Variants in CSMD2 observed in about 807,000 individuals in gnomAD.
CSMD2 encodes the protein CUB and Sushi multiple domains 2.
A neutral mutation model predicts 398.5 loss-of-function variants in CSMD2; 130 were observed. The ratio of observed to expected loss-of-function variants is 0.33; its 90% CI spans 0.28 to 0.38. The LOEUF is 0.38. Among genes scored for constraint, CSMD2 ranks in the 10% least tolerant of loss-of-function variants. CSMD2 has a pLI of 1.00. For synonymous variants in CSMD2, 1,828 were observed against 1,908.5 expected (o/e 0.96, Z 1.10); for missense variants, 3,829 against 4,764.9 (o/e 0.80, Z 5.78).
intron 20 of CSMD2, 131 bp downstream of exon 20, chr1:33,716,155 C>T: frequency 1.3e-6 from 1 of 741,528 alleles, no homozygotes. Context: ...TGCTGAAGCA[C>T]TAAGGTCAAC....
At chr1:33,683,500 C>T (rs528814446) in intron 25 of CSMD2, among the ~76,000 whole-genome samples, 2 of 152,282 alleles carry the variant, frequency 1.3e-5, no homozygotes, top group Admixed American at 6.5e-5. Flanking sequence ...CCACAGGGAA[C>T]GTGCATTTCT....
intron 2 of CSMD2, among the ~76,000 whole-genome samples, chr1:34,075,203 G>A (rs184736790): frequency 6.6e-6 from 1 of 152,290 alleles, no homozygotes; most frequent in East Asian, 1.9e-4. Context: ...CCTTTCCAGT[G>A]TCCCCTCTCT....
At chr1:33,627,830 G>A (rs1424161637) in intron 32 of CSMD2, among the ~76,000 whole-genome samples, 2 of 152,232 alleles carry the variant, frequency 1.3e-5, no homozygotes, top group Non-Finnish European at 2.9e-5. Flanking sequence ...TGAGCAGAGT[G>A]AAACTCAACT....
At chr1:33,870,159 C>T (rs1640356007) in intron 5 of CSMD2, 1 of 152,186 alleles carries the variant, frequency 6.6e-6, no homozygotes, top group Admixed American at 6.5e-5. Flanking sequence ...GTCACAAAGG[C>T]ATTGATGCCC....
chr1:34,054,807 C>T (rs146837778), intron 2 of CSMD2, among the ~76,000 whole-genome samples: 238 of 152,196 alleles, frequency 1.6e-3, no homozygotes, highest in African/African-American at 5.3e-3. Flanking sequence ...TGTCTCTTAT[C>T]GTGTGAGCTG....
At chr1:34,066,913 C>G (rs1281674392) in intron 2 of CSMD2, among the ~76,000 whole-genome samples, 2 of 152,146 alleles carry the variant, frequency 1.3e-5, no homozygotes, top group Non-Finnish European at 2.9e-5. Context: ...TTAGAAACAT[C>G]ACAAATTCCT....
chr1:33,790,739 CTATT>C (rs1228188490), intron 11 of CSMD2, among the ~76,000 whole-genome samples: 2 of 151,748 alleles, frequency 1.3e-5, no homozygotes, highest in African/African-American at 2.4e-5. Flanking sequence ...CATCTATCAT[CTATT>C]TATCATCTAT....
chr1:33,622,153 C>A lies in CSMD2; in HGVS notation c.5827+14G>T. 6.3e-7 allele frequency: 1 copy of A among 1,595,952 alleles called. No individual in the cohort carries two copies. The highest frequency in any genetic ancestry group is 2.2e-5 in the East Asian group (1 of 44,792). The stretch of plus-strand genomic sequence containing the variant: ...ACCCTGAACCCTGTACCAGCCAAGA[C>A]CCTGGATTCTCACTTTTGTACTCCA... On this transcript the variant is annotated intron_variant, in intron 37 of 70. Transcript: ENST00000373381.
chr1:33,692,040 A>C (rs1219611160), intron 25 of CSMD2, among the ~76,000 whole-genome samples: 1 of 152,224 alleles, frequency 6.6e-6, no homozygotes, highest in Non-Finnish European at 1.5e-5. Context: ...TTCCCTGTGC[A>C]AACTTAGAAA....
At chr1:33,863,841 C>A in intron 5 of CSMD2, 1 of 196,256 alleles carries the variant, frequency 5.1e-6, no homozygotes, top group Non-Finnish European at 1.0e-5. Context: ...TCCAGGAAGC[C>A]AAGGAGAATT....
At chr1:33,811,544 C>T (rs1000876629) in intron 9 of CSMD2, among the ~76,000 whole-genome samples, 7 of 152,144 alleles carry the variant, frequency 4.6e-5, no homozygotes, top group Non-Finnish European at 8.8e-5. Context: ...TTCCCAAATC[C>T]GTCTCCACAC....
chr1:33,557,914 A>C lies in CSMD2; in HGVS notation c.8563T>G (p.Cys2855Gly). ...TTTTCTTGGTGTCCAGGATCTGTAC[A>C]GTTGATGACTGCAATTGAACAGAAG... ...DMLPTCRIINCTDPGHQENSV... is the reference protein window; with the variant it reads ...DMLPTCRIINGTDPGHQENSV... The change falls in exon 55 of 71, where the codon TGT (cysteine) becomes GGT (glycine). Residue 2855 changes from cysteine to glycine, a missense_variant. Physicochemically the swap from Cys to Gly is radical, Grantham distance 159 (BLOSUM62 -3). Transcript: ENST00000373381. The C allele has an allele frequency of 6.5e-7, 1 of 1,534,828 alleles. No homozygotes were observed. The highest frequency in any genetic ancestry group is 8.7e-7 in the Non-Finnish European group (1 of 1,145,770).
chr1:33,620,375 T>C (rs1039287573), intron 37 of CSMD2, among the ~76,000 whole-genome samples: 3 of 152,186 alleles, frequency 2.0e-5, no homozygotes, highest in Admixed American at 6.5e-5. Context: ...TCCTAGGAAT[T>C]CCAGTCTCCA....
In CSMD2 at chr1:33,529,167, G is replaced by A. The variant is rs573212018; in HGVS notation, c.10172-1909C>T. On this transcript the variant is annotated intron_variant, in intron 64 of 70. Coordinates refer to ENST00000373381, the MANE Select transcript of CSMD2 (RefSeq NM_001281956.2). ...CAATTTATTTTTATTTAGAGACAAA[G>A]TCTTGCTCTGTTATCCAGGCTGGAG... Among the ~76,000 whole-genome samples, 3 of 152,258 alleles carry A rather than the reference G, an allele frequency of 2.0e-5. No homozygotes were observed. In the East Asian group the frequency reaches 5.8e-4, roughly 29 times the overall value.
At chr1:33,951,464 G>A (rs1645005646) in intron 3 of CSMD2, among the ~76,000 whole-genome samples, 1 of 152,190 alleles carries the variant, frequency 6.6e-6, no homozygotes, top group Non-Finnish European at 1.5e-5. Context: ...AAGAAGAGGT[G>A]AGGCCAAATG....
chr1:33,695,224 G>T (rs591469), intron 24 of CSMD2, among the ~76,000 whole-genome samples: 7 of 152,040 alleles, frequency 4.6e-5, no homozygotes, highest in African/African-American at 7.3e-5. Flanking sequence ...ATAGGGAGAT[G>T]GGGGAGATGG....
rs143571706 is a variant in CSMD2, at chr1:34,052,495, C to CTGTGTGTGTGTGTGTGTG, written c.405-19807_405-19790dup. On this transcript the variant is annotated intron_variant, in intron 2 of 70. Coordinates refer to ENST00000373381, the MANE Select transcript of CSMD2 (RefSeq NM_001281956.2). ...GAGAAATCAATCCCCTATGGGACAA[C>CTGTGTGTGTGTGTGTGTG]TGTGTGTGTGTGTGTGTGTGTGTGT... Among the ~76,000 whole-genome samples the CTGTGTGTGTGTGTGTGTG allele has an allele frequency of 2.8e-3, 381 of 134,150 alleles. 1 individual carries two copies. Among genetic ancestry groups the CTGTGTGTGTGTGTGTGTG allele is most frequent in the African/African-American group, 0.01 (356 of 34,966 alleles). The allele number at this position is 134,150 out of a possible 152,430, so 88.0% of individuals were successfully genotyped here. A position where few individuals can be genotyped will look rare whatever the true frequency, so the allele number is the denominator to read the frequency against.
At chr1:33,784,511 A>T (rs545992504) in intron 12 of CSMD2, among the ~76,000 whole-genome samples, 1 of 152,250 alleles carries the variant, frequency 6.6e-6, no homozygotes, top group African/African-American at 2.4e-5. Flanking sequence ...GCCAGGTTCC[A>T]ACGCACTGTG....
intron 2 of CSMD2, among the ~76,000 whole-genome samples, chr1:34,076,096 T>C (rs949562897): frequency 3.3e-5 from 5 of 152,222 alleles, no homozygotes; most frequent in Non-Finnish European, 5.9e-5. Context: ...GAGATGGCTA[T>C]GAACTCCTGG....
Sources: allele counts gnomAD v4.1 joint callset (sites outside exome capture counted in the v4.1 genomes callset), GRCh38; gene constraint gnomAD v4.1.1; transcripts MANE v1.5; gene names NCBI Gene and HGNC (gene_info 2026-07-23, HGNC 2026-07-21).